Variants in SNRPN observed in about 807,000 individuals in gnomAD.
SNRPN encodes the protein small nuclear ribonucleoprotein polypeptide N.
In SNRPN, 7 loss-of-function variants were observed where a neutral mutation model predicts 25.2. The ratio of observed to expected loss-of-function variants is 0.28; its 90% confidence interval spans 0.16 to 0.52. The LOEUF (loss-of-function observed/expected upper bound fraction) is 0.52. Among genes scored for constraint, SNRPN ranks in the 20% least tolerant of loss-of-function variants. The pLI is 0.96. For synonymous variants in SNRPN, 124 were observed against 110.6 expected (o/e 1.12, Z -0.76); for missense variants, 196 against 322.5 (o/e 0.61, Z 3.00).
intron 1 of SNRPN, among the ~76,000 whole-genome samples, chr15:24,874,154 C>CA (rs1432082686): frequency 1.3e-5 from 2 of 150,280 alleles, no homozygotes; most frequent in East Asian, 3.9e-4. Flanking sequence ...ACTAAAAATA[C>CA]AAAAAATTAG....
chr15:24,934,763 C>A (rs1288318241), intron 3 of SNRPN, among the ~76,000 whole-genome samples: 1 of 152,062 alleles, frequency 6.6e-6, no homozygotes, highest in East Asian at 1.9e-4. Context: ...CACCATATTT[C>A]CCAGGCTGGT....
At chr15:24,953,823 TTTAG>T (rs2062471518), upstream of SNRPN, among the ~76,000 whole-genome samples, 1 of 152,222 alleles carries the variant, frequency 6.6e-6, no homozygotes, top group African/African-American at 2.4e-5. Flanking sequence ...TATACGTTTA[TTTAG>T]TTAGCCTATC....
chr15:24,927,729 GT>G (rs1448406589), intron 3 of SNRPN, among the ~76,000 whole-genome samples: 2 of 151,908 alleles, frequency 1.3e-5, no homozygotes, highest in Admixed American at 1.3e-4. Flanking sequence ...TAAATATCTT[GT>G]TTGGCACTAA....
intron 2 of SNRPN, among the ~76,000 whole-genome samples, chr15:24,894,062 CT>C (rs2057887054): frequency 6.6e-6 from 1 of 152,166 alleles, no homozygotes; most frequent in Admixed American, 6.5e-5. Flanking sequence ...GATACTCCCC[CT>C]GAGAGCTGGC....
intron 1 of SNRPN, among the ~76,000 whole-genome samples, chr15:24,875,370 A>T (rs57429668): frequency 0.015 from 2,303 of 152,318 alleles, 73 homozygotes; most frequent in African/African-American, 0.053. Context: ...TATGATAAAT[A>T]CATCCTAAGT....
intron 3 of SNRPN, among the ~76,000 whole-genome samples, chr15:24,937,286 T>C (rs1435971035): frequency 6.6e-6 from 1 of 152,062 alleles, no homozygotes; most frequent in East Asian, 1.9e-4. Context: ...CCTAGAAATG[T>C]ATAATTATTG....
chr15:24,835,059 T>G lies in SNRPN; in HGVS notation c.-579+5154T>G, dbSNP rs1416975171. On this transcript the variant is annotated intron_variant, in intron 2 of 12. Transcript: ENST00000400100. Reference sequence around the variant, plus strand: ...GTATATATATCTATATATAAAAATATAGATATATAGTATATATATCTATAT... The same window carrying G: ...GTATATATATCTATATATAAAAATAGAGATATATAGTATATATATCTATAT... 1.2e-4 allele frequency among the ~76,000 whole-genome samples: 3 copies of G among 25,518 alleles called. 1 individual carries two copies. Among genetic ancestry groups the G allele is most frequent in the Non-Finnish European group, 2.3e-4 (3 of 12,878 alleles). 16.7% of individuals were successfully genotyped at this position (25,518 alleles called of 152,430 possible).
At chr15:24,840,997 A>G (rs993643069) in intron 2 of SNRPN, among the ~76,000 whole-genome samples, 2 of 152,046 alleles carry the variant, frequency 1.3e-5, no homozygotes, top group South Asian at 2.1e-4. Context: ...GCCCACCACC[A>G]TGCCCTGCTA....
At chr15:24,918,979 C>T (rs1268454327) in intron 2 of SNRPN, among the ~76,000 whole-genome samples, 1 of 111,996 alleles carries the variant, frequency 8.9e-6, no homozygotes, top group African/African-American at 3.8e-5. Flanking sequence ...ATATATATAA[C>T]ATAATATATA....
chr15:24,865,239 G>T (rs1243631483), intron 1 of SNRPN, among the ~76,000 whole-genome samples: 4 of 152,052 alleles, frequency 2.6e-5, no homozygotes, highest in Non-Finnish European at 4.4e-5. Context: ...TAGAGACAGG[G>T]TTTCACCATG....
chr15:24,967,828 A>AT (rs1487371463), intron 2 of SNRPN, 104 bp from the exon 3 acceptor site: 22 of 819,790 alleles, frequency 2.7e-5, no homozygotes, highest in African/African-American at 7.2e-5. Context: ...AAAAAAAAAA[A>AT]GGAATATCTT....
intron 3 of SNRPN, among the ~76,000 whole-genome samples, chr15:24,928,869 A>G (rs2647361): frequency 2.0e-5 from 3 of 152,080 alleles, no homozygotes; most frequent in South Asian, 2.1e-4. Flanking sequence ...TGGTCTCCCA[A>G]AGTGCTAGGA....
At chr15:24,874,513 A>G (rs901444828) in intron 1 of SNRPN, among the ~76,000 whole-genome samples, 4 of 152,106 alleles carry the variant, frequency 2.6e-5, no homozygotes, top group Non-Finnish European at 4.4e-5. Context: ...ATGAAAGAAT[A>G]GTGTAATCAG....
At chr15:24,872,534 T>C (rs1163175923) in intron 1 of SNRPN, among the ~76,000 whole-genome samples, 2 of 98,744 alleles carry the variant, frequency 2.0e-5, no homozygotes, top group African/African-American at 7.1e-5. Context: ...TCACCTGAGG[T>C]TGGGAGTTCG....
chr15:24,909,905 G>T (rs767152282), intron 2 of SNRPN: 19 of 605,608 alleles, frequency 3.1e-5, no homozygotes, highest in Non-Finnish European at 5.3e-5. Flanking sequence ...GAAGGGGAAA[G>T]CTTTTTAATC....
chr15:24,907,204 A>C (rs894688090), intron 2 of SNRPN, among the ~76,000 whole-genome samples: 1 of 152,194 alleles, frequency 6.6e-6, no homozygotes, highest in African/African-American at 2.4e-5. Context: ...TTCGCAGCCC[A>C]GGAAGTCAGG....
intron 2 of SNRPN, among the ~76,000 whole-genome samples, chr15:24,897,599 T>C (rs967627022): frequency 5.3e-5 from 8 of 152,146 alleles, no homozygotes; most frequent in Admixed American, 5.2e-4. Context: ...TTTGGCTGTG[T>C]CTCCACCCAA....
chr15:24,848,258 G>GGGCGGAGGCGGGGGCGGGGGCGGC (rs71312669), intron 2 of SNRPN: 1 of 124,148 alleles, frequency 8.1e-6, no homozygotes, highest in Non-Finnish European at 1.8e-5. Context: ...GCGGGGGCGG[G>GGGCGGAGGCGGGGGCGGGGGCGGC]GGCGGGGGCG....
chr15:24,846,727 T>C lies in SNRPN; in HGVS notation c.-579+16822T>C, dbSNP rs148164080. On this transcript the variant is annotated intron_variant, in intron 2 of 12. Transcript: ENST00000400100. ...ATCACAGGGAGAGTAACAATTTCAG[T>C]ACACTGAAGGAAGTTAGAAATCTAT... 2.7e-3 allele frequency among the ~76,000 whole-genome samples: 406 copies of C among 152,332 alleles called. 4 individuals are homozygous for C. The highest frequency in any genetic ancestry group is 9.5e-3 in the African/African-American group (394 of 41,574).
Sources: gnomAD v4.1 joint callset for allele counts (sites outside exome capture counted in the v4.1 genomes callset) on GRCh38, gnomAD v4.1.1 for gene constraint, MANE v1.5 for transcripts, NCBI Gene and HGNC (gene_info 2026-07-23, HGNC 2026-07-21) for gene names.